ABCC6: variants seen among roughly 807,000 people sequenced by gnomAD.
ABCC6 encodes ATP-binding cassette sub-family C member 6.
In ABCC6, 126 loss-of-function variants were observed where a neutral mutation model predicts 169.5. The observed-to-expected ratio is 0.74, with a 90% CI of 0.64 to 0.86. The LOEUF (loss-of-function observed/expected upper bound fraction) is 0.86. Ranked by LOEUF, ABCC6 falls within the 40% of genes least tolerant of loss-of-function variation. ABCC6 has a pLI of 0.00. For missense variants in ABCC6, 1,733 were observed against 1,927.2 expected (o/e 0.90, Z 1.89); for synonymous variants, 752 against 814.7 (o/e 0.92, Z 1.31).
chr16:16,209,345 A>G, intron 6 of ABCC6, among the ~76,000 whole-genome samples: 1 of 152,168 alleles, frequency 6.6e-6, no homozygotes, highest in Non-Finnish European at 1.5e-5. Context: ...CAGCCTCCCA[A>G]AGTGCTGGGA....
chr16:16,150,475 C>A (rs1347563116), intron 30 of ABCC6, 103 bp downstream of exon 30: 1 of 1,509,322 alleles, frequency 6.6e-7, no homozygotes, highest in Non-Finnish European at 8.9e-7. Context: ...CATTCAGGAC[C>A]CCTCCAGCTC....
At chr16:16,177,939 T>A (rs2047335911) in intron 18 of ABCC6, among the ~76,000 whole-genome samples, 1 of 142,362 alleles carries the variant, frequency 7.0e-6, no homozygotes, top group African/African-American at 2.6e-5. Flanking sequence ...CAAGACTCTG[T>A]CAAGAAAGGA....
intron 24 of ABCC6, among the ~76,000 whole-genome samples, chr16:16,162,287 G>A (rs1201341732): frequency 6.6e-6 from 1 of 152,144 alleles, no homozygotes; most frequent in African/African-American, 2.4e-5. Flanking sequence ...AGCACCTAGT[G>A]TGTACTTGAC....
At chr16:16,173,659 A>C (rs1324572569) in intron 20 of ABCC6, among the ~76,000 whole-genome samples, 2 of 151,640 alleles carry the variant, frequency 1.3e-5, no homozygotes, top group East Asian at 3.9e-4. Flanking sequence ...GGATGAACTT[A>C]ACTTGCCCAC....
chr16:16,218,060 G>T (rs1272551835), intron 4 of ABCC6, among the ~76,000 whole-genome samples: 3 of 152,194 alleles, frequency 2.0e-5, no homozygotes, highest in Non-Finnish European at 4.4e-5. Flanking sequence ...CTGCACTCCA[G>T]CCTGGGCAAT....
In ABCC6 at chr16:16,185,969, C is replaced by A. The variant is rs572668622; in HGVS notation, c.1868-935G>T. ...TCATCGTCACAATTAGCTGCTATAA[C>A]GATTAACATGCCCATTTTGGAGATG... On this transcript the variant is annotated intron_variant, in intron 14 of 30. Transcript: ENST00000205557. Among the ~76,000 whole-genome samples the A allele has an allele frequency of 3.3e-5, 5 of 152,260 alleles. No individual in the cohort carries two copies. In the South Asian group the frequency reaches 1.0e-3, roughly 32 times the overall value.
At chr16:16,194,783 C>T (rs2047979537) in intron 10 of ABCC6, among the ~76,000 whole-genome samples, 1 of 152,072 alleles carries the variant, frequency 6.6e-6, no homozygotes, top group East Asian at 1.9e-4. Flanking sequence ...CTCTGCTTCC[C>T]AAGCGATTCT....
At chr16:16,204,297 C>T (rs1336607182) in intron 7 of ABCC6, among the ~76,000 whole-genome samples, 8 of 152,184 alleles carry the variant, frequency 5.3e-5, no homozygotes, top group Admixed American at 1.3e-4. Flanking sequence ...CTGAGGTGAT[C>T]TGCTCGCCTT....
intron 13 of ABCC6, 103 bp downstream of exon 13, chr16:16,188,726 ACT>A: frequency 6.9e-7 from 1 of 1,458,774 alleles, no homozygotes; most frequent in Non-Finnish European, 9.4e-7. Context: ...TCTCCCTCCC[ACT>A]CTGTCTTCCC....
intron 29 of ABCC6, among the ~76,000 whole-genome samples, chr16:16,152,794 C>T (rs1194425138): frequency 1.3e-5 from 2 of 152,094 alleles, no homozygotes; most frequent in African/African-American, 4.8e-5. Context: ...TACTCTTACC[C>T]ACCAAGCAAC....
intron 18 of ABCC6, among the ~76,000 whole-genome samples, chr16:16,177,943 G>A (rs1443550888): frequency 6.8e-6 from 1 of 146,688 alleles, no homozygotes; most frequent in Non-Finnish European, 1.5e-5. Flanking sequence ...ACTCTGTCAA[G>A]AAAGGAAAGA....
intron 29 of ABCC6, among the ~76,000 whole-genome samples, chr16:16,153,914 GA>G (rs75783374): frequency 0.31 from 32,435 of 105,600 alleles, 3,925 homozygotes; most frequent in South Asian, 0.53. Flanking sequence ...CAAAGAAAAA[GA>G]AAAAAAAAAA....
chr16:16,150,186 G>C lies in ABCC6; in HGVS notation c.4459C>G (p.Leu1487Val), dbSNP rs746670054. Reference sequence around the variant, plus strand: ...CTGTAAAACAGGCCCTTCTGGGCCAGCAGCTGGGCCGGGCTGCCGCTCTCT... The same window carrying C: ...CTGTAAAACAGGCCCTTCTGGGCCACCAGCTGGGCCGGGCTGCCGCTCTCT... ...VAESGSPAQL[L>V]AQKGLFYRLA... Residue 1487 changes from leucine (L) to valine (V), a missense_variant, in exon 31 of 31, where the codon CTG (leucine) becomes GTG (valine). Leu to Val is a conservative substitution (Grantham distance 32). Transcript: ENST00000205557. 8.1e-6 allele frequency: 13 copies of C among 1,613,484 alleles called. No homozygotes were observed. The highest frequency in any genetic ancestry group is 8.0e-5 in the African/African-American group (6 of 74,934).
intron 26 of ABCC6, among the ~76,000 whole-genome samples, chr16:16,158,394 C>T (rs2046615531): frequency 6.6e-6 from 1 of 151,874 alleles, no homozygotes; most frequent in African/African-American, 2.4e-5. Context: ...TTCATCCATC[C>T]ATCTCTTATC....
intron 17 of ABCC6, among the ~76,000 whole-genome samples, chr16:16,179,871 G>A (rs958441893): frequency 1.6e-4 from 25 of 152,126 alleles, no homozygotes; most frequent in African/African-American, 5.8e-4. Context: ...GATTACAGGC[G>A]TGAGCCACTG....
At chr16:16,206,407 C>T (rs2048392854) in intron 7 of ABCC6, among the ~76,000 whole-genome samples, 2 of 152,068 alleles carry the variant, frequency 1.3e-5, no homozygotes, top group Admixed American at 6.5e-5. Flanking sequence ...GGCGAATCAC[C>T]TGAGGTCAGG....
intron 10 of ABCC6, among the ~76,000 whole-genome samples, chr16:16,195,470 G>T (rs959160523): frequency 6.6e-6 from 1 of 151,842 alleles, no homozygotes; most frequent in Non-Finnish European, 1.5e-5. Context: ...ATGCCACCAT[G>T]CCCGGCTAAT....
At position 16,182,573 on chromosome 16, in the gene ABCC6, C is replaced by A. The variant is rs143731811; in HGVS notation, c.2086G>T (p.Val696Leu). Residue 696 changes from valine (V) to leucine (L), a missense_variant, in exon 17 of 31, where the codon GTG becomes TTG. Val to Leu is a conservative substitution (Grantham distance 32). Around this residue, in one of 5 missense-constraint regions of ABCC6, gnomAD observed 1,601 missense variants for 1,635.5 expected, o/e 0.98. Transcript: ENST00000205557. ...FVSIEGAVAY[V>L]PQEAWVQNTS... is the part of the protein sequence containing the mutation. ...TTCTGCACCCAGGCCTCCTGGGGCACGTAGGCCACAGCACCCTAAAACACA... is the reference window on the plus strand; with the variant it reads ...TTCTGCACCCAGGCCTCCTGGGGCAAGTAGGCCACAGCACCCTAAAACACA... 6.2e-7 allele frequency: 1 copy of A among 1,612,712 alleles called. No homozygotes were observed. The highest frequency in any genetic ancestry group is 8.5e-7 in the Non-Finnish European group (1 of 1,178,896).
chr16:16,185,678 G>A (rs2047635548), intron 14 of ABCC6, among the ~76,000 whole-genome samples: 1 of 152,162 alleles, frequency 6.6e-6, no homozygotes, highest in Admixed American at 6.5e-5. Flanking sequence ...ACAGCTACTT[G>A]AGAGGCTAAG....
Sources: gnomAD v4.1 joint callset for allele counts (sites outside exome capture counted in the v4.1 genomes callset) on GRCh38, gnomAD v4.1.1 for gene constraint, gnomAD v4.1.1 regional missense constraint, MANE v1.5 for transcripts, NCBI Gene and HGNC (gene_info 2026-07-23, HGNC 2026-07-21) for gene names.